ANKRD13D: variants seen among roughly 807,000 people sequenced by gnomAD.
The protein encoded by ANKRD13D is ankyrin repeat domain 13D.
In ANKRD13D, 24 loss-of-function variants were observed where a neutral mutation model predicts 68.8. The ratio of observed to expected loss-of-function variants is 0.35; its 90% CI spans 0.25 to 0.49. The LOEUF is 0.49. ANKRD13D is among the 20% of genes least tolerant of loss of function. ANKRD13D has a pLI of 0.99. For synonymous variants in ANKRD13D, 331 were observed against 336.1 expected (o/e 0.98, Z 0.16); for missense variants, 735 against 832.1 (o/e 0.88, Z 1.44).
In ANKRD13D at chr11:67,301,691, C is replaced by G. The variant is rs753827080; in HGVS notation, c.1512+40C>G. ...GGGGGTGGGCTCTGGCCTCTGCAGCCACACGGCAGAAGTGACAGCTGTGGG... is the reference window on the plus strand; with the variant it reads ...GGGGGTGGGCTCTGGCCTCTGCAGCGACACGGCAGAAGTGACAGCTGTGGG... On this transcript the variant is annotated intron_variant, in intron 13 of 14. Transcript: ENST00000511455. This position sits in a 1 kb window ranked among gnomAD's most constrained non-coding sequence, Gnocchi z 4.5. 23 of 1,610,950 alleles carry G rather than the reference C, an allele frequency of 1.4e-5. No homozygotes were observed. The highest frequency in any genetic ancestry group is 2.0e-5 in the Non-Finnish European group (23 of 1,179,376).
Position 67,302,304 on chromosome 11 carries a change from T to A in ANKRD13D, c.1790T>A (p.Ile597Asn). 1 of 1,550,948 alleles carries A rather than the reference T, an allele frequency of 6.4e-7. No individual in the cohort carries two copies. The highest frequency in any genetic ancestry group is 8.7e-7 in the Non-Finnish European group (1 of 1,145,222). The change falls in exon 15 of 15, where the codon ATC becomes AAC. Residue 597 changes from isoleucine (I) to asparagine (N), a missense_variant. By Grantham distance (149) the Ile-to-Asn change is moderately radical (BLOSUM62 -3). Coordinates refer to ENST00000511455, the MANE Select transcript of ANKRD13D (RefSeq NM_207354.3). ...CAGGAGGAGGAGGACTTACAGCGGA[T>A]CCTGCAGCTGTCACTCACTGAGCAC... Reference protein sequence around the residue: ...GQQEEEDLQRILQLSLTEH With the variant: ...GQQEEEDLQRNLQLSLTEH
chr11:67,301,047 G>A lies in ANKRD13D; in HGVS notation c.1131G>A (p.Val377=). The A allele has an allele frequency of 9.3e-6, 15 of 1,614,028 alleles. No homozygotes were observed. Among genetic ancestry groups the A allele is most frequent in the Non-Finnish European group, 1.3e-5 (15 of 1,180,032 alleles). The change falls in exon 11 of 15, where the codon GTG becomes GTA. Residue 377 remains valine (V), a synonymous_variant. Transcript: ENST00000511455. The surrounding 1 kb of genome is among the most constrained non-coding windows in gnomAD (Gnocchi z 4.5). The part of the protein sequence containing the change: ...EEHPLSLGDQ[V]TPIIDLMAIS... ...ACCCGCTCTCCCTGGGTGACCAGGT[G>A]ACCCCCATCATCGACCTAATGGCCA...
intron 6 of ANKRD13D, 39 bp downstream of exon 6, chr11:67,292,219 C>A: frequency 6.5e-7 from 1 of 1,543,520 alleles, no homozygotes; most frequent in Admixed American, 1.9e-5. Context: ...GGGATGGGGA[C>A]GGATAGCAAG....
At chr11:67,290,559 A>G in intron 3 of ANKRD13D, 113 bp downstream of exon 3, 1 of 1,424,764 alleles carries the variant, frequency 7.0e-7, no homozygotes, top group Non-Finnish European at 9.4e-7. Context: ...GCCTCCTGCC[A>G]CCAGCAAGGA....
At chr11:67,294,057 A>G (rs1860676234) in intron 6 of ANKRD13D, among the ~76,000 whole-genome samples, 1 of 152,206 alleles carries the variant, frequency 6.6e-6, no homozygotes. Context: ...TAAATTGGTT[A>G]CTTTCTGACT....
intron 6 of ANKRD13D, among the ~76,000 whole-genome samples, chr11:67,297,591 T>C: frequency 6.6e-6 from 1 of 150,894 alleles, no homozygotes; most frequent in Middle Eastern, 3.2e-3. Context: ...AGTGGCACGA[T>C]CTCGGCTTAC....
At chr11:67,293,745 T>C (rs565801082) in intron 6 of ANKRD13D, among the ~76,000 whole-genome samples, 1 of 152,288 alleles carries the variant, frequency 6.6e-6, no homozygotes, top group Non-Finnish European at 1.5e-5. Context: ...CTTAAACTCT[T>C]AGGCTGAAGC....
chr11:67,292,310 G>A (rs2136522276), intron 6 of ANKRD13D, 130 bp downstream of exon 6: 1 of 1,115,572 alleles, frequency 9.0e-7, no homozygotes, highest in Admixed American at 3.1e-5. Context: ...GCTGCTCAGG[G>A]GCAGGTGGGT....
intron 6 of ANKRD13D, chr11:67,297,976 ATTGAC>A (rs1485725210): frequency 6.9e-6 from 1 of 145,218 alleles, no homozygotes; most frequent in Non-Finnish European, 1.5e-5. Flanking sequence ...TTTTTCTGCT[ATTGAC>A]TTCTAATTTC....
chr11:67,296,915 C>T (rs1181623522), intron 6 of ANKRD13D, among the ~76,000 whole-genome samples: 2 of 152,150 alleles, frequency 1.3e-5, no homozygotes, highest in Non-Finnish European at 2.9e-5. Context: ...AACCACCGCC[C>T]CCAGCCAAGT....
chr11:67,297,036 T>A (rs1165759268), intron 6 of ANKRD13D, among the ~76,000 whole-genome samples: 3 of 152,154 alleles, frequency 2.0e-5, no homozygotes, highest in African/African-American at 7.2e-5. Context: ...CTATTATTTT[T>A]CTATTCTCTA....
At position 67,289,421 on chromosome 11, in the gene ANKRD13D, G is replaced by T; in HGVS notation, c.-40G>T. Reference sequence around the variant, plus strand: ...GAGGCTAGGGGGCCGTGCCAGGCCCGAAGCCGAGGCGGGGCCGGGATGCGG... The same window carrying T: ...GAGGCTAGGGGGCCGTGCCAGGCCCTAAGCCGAGGCGGGGCCGGGATGCGG... On this transcript the variant is annotated 5_prime_UTR_variant, in exon 1 of 15. Transcript: ENST00000511455. 2 of 1,397,868 alleles carry T rather than the reference G, an allele frequency of 1.4e-6. No individual in the cohort carries two copies. The highest frequency in any genetic ancestry group is 3.0e-5 in the South Asian group (2 of 66,394). The allele number at this position is 1,397,868 out of a possible 1,614,324, so 86.6% of individuals were successfully genotyped here.
intron 6 of ANKRD13D, among the ~76,000 whole-genome samples, chr11:67,296,253 AT>A (rs1191669364): frequency 6.7e-6 from 1 of 149,474 alleles, no homozygotes; most frequent in African/African-American, 2.5e-5. Flanking sequence ...CTCTTTGTCT[AT>A]TTTTTTTAAT....
Position 67,289,319 on chromosome 11 carries a change from G to GCCC in ANKRD13D, c.-141_-140insCCC, listed in dbSNP as rs1860425940. 2.1e-5 allele frequency: 7 copies of GCCC among 331,438 alleles called. No individual in the cohort carries two copies. The highest frequency in any genetic ancestry group is 3.0e-5 in the Non-Finnish European group (7 of 235,632). 20.5% of individuals were successfully genotyped at this position (331,438 alleles called of 1,614,324 possible). ...GCCCGCCCCGCCCTCCCTGCCGCCC[G>GCCC]CGCTGCCGCCGCCGCCGCCGCCGCC... On this transcript the variant is annotated 5_prime_UTR_variant, in exon 1 of 15. Transcript: ENST00000511455.
At chr11:67,289,991 C>T in intron 1 of ANKRD13D, 87 bp from the exon 2 acceptor site, 2 of 1,469,496 alleles carry the variant, frequency 1.4e-6, no homozygotes, top group East Asian at 5.0e-5. Flanking sequence ...TTATTTCCCA[C>T]AGCGATTCCC....
intron 3 of ANKRD13D, 169 bp downstream of exon 3, chr11:67,290,615 G>C (rs780463558): frequency 6.3e-5 from 70 of 1,109,106 alleles, no homozygotes; most frequent in Non-Finnish European, 8.4e-5. Flanking sequence ...AGGAAAGAGA[G>C]ACGGCCAGGC....
chr11:67,300,910 C>T lies in ANKRD13D; in HGVS notation c.1074-80C>T. 6.5e-7 allele frequency: 1 copy of T among 1,542,944 alleles called. No individual in the cohort carries two copies. Among genetic ancestry groups the T allele is most frequent in the Non-Finnish European group, 8.8e-7 (1 of 1,137,908 alleles). On this transcript the variant is annotated intron_variant, in intron 10 of 14. Transcript: ENST00000511455. This position sits in a 1 kb window ranked among gnomAD's most constrained non-coding sequence, Gnocchi z 4.3. ...CCAGGCAGAAGGTGGGTAAAGGCAG[C>T]TGCCCACGAACCAGAGGGCAGTCCT...
chr11:67,299,263 C>A lies in ANKRD13D; in HGVS notation c.798+139C>A. On this transcript the variant is annotated intron_variant, in intron 7 of 14. Coordinates refer to ENST00000511455, the MANE Select transcript of ANKRD13D (RefSeq NM_207354.3). The surrounding 1 kb of genome is among the most constrained non-coding windows in gnomAD (Gnocchi z 6.2). ...TGGGAACTCAGCGGGCCTGAGTGCCCAGCCCCTGCGGAGTACACAGGGCTC... is the reference window on the plus strand; with the variant it reads ...TGGGAACTCAGCGGGCCTGAGTGCCAAGCCCCTGCGGAGTACACAGGGCTC... 1 of 1,073,116 alleles carries A rather than the reference C, an allele frequency of 9.3e-7. No individual in the cohort carries two copies. Among genetic ancestry groups the A allele is most frequent in the Non-Finnish European group, 1.4e-6 (1 of 724,050 alleles). The allele number at this position is 1,073,116 out of a possible 1,614,324, so 66.5% of individuals were successfully genotyped here. A position where few individuals can be genotyped will look rare whatever the true frequency, so the allele number is the denominator to read the frequency against.
chr11:67,298,056 CTTTTTTTTTTTTTTTT>C (rs200939455), intron 6 of ANKRD13D: 6 of 129,986 alleles, frequency 4.6e-5, no homozygotes, highest in African/African-American at 3.8e-5. Context: ...TTGAGGTTTT[CTTTTTTTTTTTTTTTT>C]TTTTTTTTTG....
Sources: gnomAD v4.1 joint callset for allele counts (sites outside exome capture counted in the v4.1 genomes callset) on GRCh38, gnomAD v4.1.1 for gene constraint, Gnocchi (gnomAD v3.1) non-coding constraint, MANE v1.5 for transcripts, NCBI Gene and HGNC (gene_info 2026-07-23, HGNC 2026-07-21) for gene names.